Variants in OPCML observed in about 807,000 individuals in gnomAD.
OPCML encodes opioid binding protein/cell adhesion molecule like, also known as opioid-binding protein/cell adhesion molecule.
OPCML carries 13 observed loss-of-function variants against 37.8 expected under a neutral mutation model. The ratio of observed to expected loss-of-function variants is 0.34; its 90% CI spans 0.22 to 0.55. The LOEUF is 0.55. Ranked by LOEUF, OPCML falls within the 20% of genes least tolerant of loss-of-function variation. OPCML has a pLI of 0.91. For synonymous variants in OPCML, 176 were observed against 168.8 expected (o/e 1.04, Z -0.33); for missense variants, 341 against 435.6 (o/e 0.78, Z 1.93).
chr11:132,612,245 T>C (rs757187701), intron 3 of OPCML, among the ~76,000 whole-genome samples: 1 of 152,222 alleles, frequency 6.6e-6, no homozygotes, highest in African/African-American at 2.4e-5. Flanking sequence ...CTTTTTCCCT[T>C]GGAACGAAAC....
At chr11:132,588,698 G>A (rs1409740475) in intron 3 of OPCML, among the ~76,000 whole-genome samples, 1 of 152,128 alleles carries the variant, frequency 6.6e-6, no homozygotes. Flanking sequence ...TGTAAGGCTG[G>A]GCCCACTCAG....
chr11:133,302,644 G>C (rs2136569205), intron 1 of OPCML: 1 of 152,308 alleles, frequency 6.6e-6, no homozygotes, highest in Non-Finnish European at 1.5e-5. Flanking sequence ...CGTGCAAGGA[G>C]CACCACACAA....
intron 4 of OPCML, among the ~76,000 whole-genome samples, chr11:132,504,714 C>T (rs1219020511): frequency 2.0e-5 from 3 of 151,774 alleles, no homozygotes; most frequent in African/African-American, 2.4e-5. Context: ...AATGACTTGT[C>T]GGGAGAGAGA....
At chr11:133,518,901 T>C (rs1021718871) in intron 1 of OPCML, among the ~76,000 whole-genome samples, 1 of 152,046 alleles carries the variant, frequency 6.6e-6, no homozygotes, top group Non-Finnish European at 1.5e-5. Flanking sequence ...CCATGTCTGA[T>C]TGCTGCAACT....
intron 1 of OPCML, among the ~76,000 whole-genome samples, chr11:133,273,853 C>T (rs1226896481): frequency 6.6e-6 from 1 of 152,148 alleles, no homozygotes; most frequent in East Asian, 1.9e-4. Context: ...AAAAATCTCA[C>T]GAGTGTGAGG....
At position 133,050,872 on chromosome 11, in the gene OPCML, C is replaced by A. The variant is rs112599274; in HGVS notation, c.62-107862G>T. 6.9e-3 allele frequency among the ~76,000 whole-genome samples: 1,046 copies of A among 152,248 alleles called. 9 individuals are homozygous for A. Among genetic ancestry groups the A allele is most frequent in the Middle Eastern group, 0.031 (9 of 294 alleles). On this transcript the variant is annotated intron_variant, in intron 1 of 7. Coordinates refer to ENST00000524381, the MANE Select transcript of OPCML (RefSeq NM_001012393.5). The stretch of plus-strand genomic sequence containing the variant: ...CATTAGGAGGCTTAATTATTCACAT[C>A]AGCCTCTGCTTCTTTTCGTGACAGT...
At chr11:133,259,504 C>A (rs1941423291) in intron 1 of OPCML, among the ~76,000 whole-genome samples, 1 of 152,176 alleles carries the variant, frequency 6.6e-6, no homozygotes, top group Non-Finnish European at 1.5e-5. Context: ...AAAACTCTGA[C>A]ATTCAAAGTC....
At chr11:132,702,595 C>T (rs2135926872) in intron 2 of OPCML, among the ~76,000 whole-genome samples, 2 of 152,210 alleles carry the variant, frequency 1.3e-5, no homozygotes, top group African/African-American at 4.8e-5. Context: ...TATGGATATT[C>T]ATTTTCCTCT....
At chr11:132,956,658 G>C (rs78990103) in intron 1 of OPCML, among the ~76,000 whole-genome samples, 14,693 of 152,168 alleles carry the variant, frequency 0.097, 846 homozygotes, top group South Asian at 0.23. Context: ...TTAGACAACA[G>C]TATCTTGGAT....
intron 1 of OPCML, among the ~76,000 whole-genome samples, chr11:133,143,098 A>ACTC (rs1949849017): frequency 6.6e-6 from 1 of 152,096 alleles, no homozygotes; most frequent in Admixed American, 6.5e-5. Context: ...GATGAGTCAG[A>ACTC]CTCCAGAGTG....
chr11:132,974,282 G>A (rs902290329), intron 1 of OPCML, among the ~76,000 whole-genome samples: 2 of 152,128 alleles, frequency 1.3e-5, no homozygotes, highest in Admixed American at 6.5e-5. Flanking sequence ...CTTCAGCCAA[G>A]TATCTCAAAG....
intron 1 of OPCML, among the ~76,000 whole-genome samples, chr11:133,345,854 C>T (rs1943989921): frequency 6.6e-6 from 1 of 152,266 alleles, no homozygotes; most frequent in Admixed American, 6.5e-5. Flanking sequence ...GTCTGATACA[C>T]TTCAATTCTC....
At chr11:133,186,314 A>G (rs867877338) in intron 1 of OPCML, among the ~76,000 whole-genome samples, 15 of 152,336 alleles carry the variant, frequency 9.8e-5, no homozygotes, top group Admixed American at 3.3e-4. Context: ...GCAGATTTTT[A>G]AGGACACATA....
chr11:132,657,212 A>C lies in OPCML; in HGVS notation c.254T>G (p.Val85Gly), dbSNP rs1472213049. Residue 85 changes from valine to glycine, a missense_variant, in exon 3 of 8, where the codon GTC becomes GGC. Coordinates refer to ENST00000524381, the MANE Select transcript of OPCML (RefSeq NM_001012393.5). Reference sequence around the variant, plus strand: ...GATGCTGTACTGGGTTGGTGTATTGACCAGGATGATCACACGAGGGTCTAT... The same window carrying C: ...GATGCTGTACTGGGTTGGTGTATTGCCCAGGATGATCACACGAGGGTCTAT... ...WSIDPRVIIL[V>G]NTPTQYSIMI... 1.2e-6 allele frequency: 2 copies of C among 1,614,122 alleles called. No homozygotes were observed. The highest frequency in any genetic ancestry group is 3.3e-5 in the Admixed American group (2 of 60,010).
intron 1 of OPCML, among the ~76,000 whole-genome samples, chr11:133,061,802 G>T (rs572458248): frequency 6.6e-6 from 1 of 151,304 alleles, no homozygotes; most frequent in Non-Finnish European, 1.5e-5. Context: ...AAACTTTTCC[G>T]CAAGTCAGAT....
intron 1 of OPCML, among the ~76,000 whole-genome samples, chr11:133,352,402 T>C (rs367700705): frequency 6.6e-6 from 1 of 152,232 alleles, no homozygotes; most frequent in East Asian, 1.9e-4. Flanking sequence ...ATGAAGTAGT[T>C]GTTTTCTTCT....
intron 4 of OPCML, among the ~76,000 whole-genome samples, chr11:132,488,754 GTTTATT>G (rs1565606715): frequency 6.6e-6 from 1 of 152,156 alleles, no homozygotes; most frequent in Non-Finnish European, 1.5e-5. Flanking sequence ...CTTAGAAAAT[GTTTATT>G]TTAAGTACAA....
At chr11:132,761,012 G>A (rs1050186058) in intron 2 of OPCML, among the ~76,000 whole-genome samples, 3 of 152,048 alleles carry the variant, frequency 2.0e-5, no homozygotes, top group African/African-American at 7.2e-5. Context: ...AAAATCCCTA[G>A]CATTTGCTTG....
intron 1 of OPCML, among the ~76,000 whole-genome samples, chr11:133,366,323 G>T (rs1477005180): frequency 6.6e-6 from 1 of 152,208 alleles, no homozygotes; most frequent in East Asian, 1.9e-4. Flanking sequence ...CCGACGTGAG[G>T]CTGCATGACT....
Sources: gnomAD v4.1 joint callset for allele counts (sites outside exome capture counted in the v4.1 genomes callset) on GRCh38, gnomAD v4.1.1 for gene constraint, MANE v1.5 for transcripts, NCBI Gene and HGNC (gene_info 2026-07-23, HGNC 2026-07-21) for gene names.